OTOF: variants seen among roughly 807,000 people sequenced by gnomAD.
OTOF encodes the protein otoferlin, also known as fer-1-like family member 2.
OTOF carries 218 observed loss-of-function variants against 236.8 expected under a neutral mutation model. The observed-to-expected ratio is 0.92, with a 90% CI of 0.82 to 1.03. The LOEUF is 1.03. OTOF is among the 50% of genes least tolerant of loss of function. OTOF has a pLI of 0.00. For synonymous variants in OTOF, 1,041 were observed against 1,072.5 expected, an observed-to-expected ratio of 0.97 and a Z score of 0.57; for missense variants, 2,590 against 2,694.4, an observed-to-expected ratio of 0.96 and a Z score of 0.86.
chr2:26,551,232 C>A (rs1020875986), intron 1 of OTOF, among the ~76,000 whole-genome samples: 22 of 152,318 alleles, frequency 1.4e-4, no homozygotes, highest in African/African-American at 5.1e-4. Flanking sequence ...TCAAATGATC[C>A]CCCCCGCCTT....
At chr2:26,496,086 G>A (rs951121665) in intron 8 of OTOF, among the ~76,000 whole-genome samples, 23 of 152,118 alleles carry the variant, frequency 1.5e-4, no homozygotes, top group African/African-American at 5.1e-4. Context: ...TTTATGTGGC[G>A]TCCAGCTCTG....
At chr2:26,489,651 G>T in intron 10 of OTOF, 27 bp downstream of exon 10, 1 of 1,597,620 alleles carries the variant, frequency 6.3e-7, no homozygotes. Context: ...GAGTGGCCCT[G>T]CCGGCCAGGG....
chr2:26,464,733 G>A (rs1282710731), intron 39 of OTOF, 136 bp downstream of exon 39: 1 of 811,142 alleles, frequency 1.2e-6, no homozygotes, highest in South Asian at 2.4e-5. Context: ...GTGATGAGCA[G>A]AGGGTCACTA....
chr2:26,546,255 G>A (rs1212862687), intron 1 of OTOF, among the ~76,000 whole-genome samples: 1 of 152,174 alleles, frequency 6.6e-6, no homozygotes, highest in Non-Finnish European at 1.5e-5. Context: ...GAGGTCAGGA[G>A]TTCGAGACCA....
intron 1 of OTOF, among the ~76,000 whole-genome samples, chr2:26,540,706 T>C (rs1320970614): frequency 6.6e-6 from 1 of 151,090 alleles, no homozygotes; most frequent in Non-Finnish European, 1.5e-5. Context: ...GTGGATGCAG[T>C]CTGAAAGGGT....
intron 9 of OTOF, among the ~76,000 whole-genome samples, chr2:26,494,433 G>A (rs2148071351): frequency 6.6e-6 from 1 of 152,384 alleles, no homozygotes; most frequent in African/African-American, 2.4e-5. Flanking sequence ...GCACTGTGAG[G>A]TTGGACAAGG....
At chr2:26,549,839 C>T (rs1353466409) in intron 1 of OTOF, among the ~76,000 whole-genome samples, 1 of 152,288 alleles carries the variant, frequency 6.6e-6, no homozygotes, top group East Asian at 1.9e-4. Context: ...CAGACCCTGG[C>T]ACTGAGGCAG....
intron 1 of OTOF, among the ~76,000 whole-genome samples, chr2:26,556,229 T>A (rs907901086): frequency 1.3e-5 from 2 of 152,214 alleles, no homozygotes; most frequent in Non-Finnish European, 2.9e-5. Flanking sequence ...TACCAGTTTC[T>A]TGTTTCCCCC....
chr2:26,479,696 C>G, intron 16 of OTOF, 43 bp from the exon 17 acceptor site: 1 of 1,586,800 alleles, frequency 6.3e-7, no homozygotes, highest in Non-Finnish European at 8.6e-7. Flanking sequence ...GCATTCCCCA[C>G]CAGGCCCCTC....
At chr2:26,492,987 A>G (rs1665885138) in intron 9 of OTOF, among the ~76,000 whole-genome samples, 1 of 152,172 alleles carries the variant, frequency 6.6e-6, no homozygotes. Flanking sequence ...CCCTTAAGTT[A>G]GCAGAAGTGG....
rs200621692 is a variant in OTOF, at chr2:26,483,559, A to G, written c.1295T>C (p.Met432Thr). Reference protein sequence around the residue: ...KIYRAEGLPRMNTSLMANVKK... With the variant: ...KIYRAEGLPRTNTSLMANVKK... ...TACATTGGCCATGAGGCTTGTGTTC[A>G]TACGGGGCAGCCCCTCTGCTCGGTA... Residue 432 changes from methionine (M) to threonine (T), a missense_variant, in exon 13 of 47, where the codon ATG (methionine) becomes ACG (threonine). This residue lies in a region of OTOF where 1,379 missense variants were observed against 1,341.6 expected (regional missense o/e 1.03). Coordinates refer to ENST00000272371, the MANE Select transcript of OTOF (RefSeq NM_194248.3). The G allele has an allele frequency of 6.2e-7, 1 of 1,614,008 alleles. No individual in the cohort carries two copies. The highest frequency in any genetic ancestry group is 2.2e-5 in the East Asian group (1 of 44,890).
intron 8 of OTOF, 106 bp from the exon 9 acceptor site, chr2:26,495,179 G>A (rs1665951865): frequency 2.4e-6 from 3 of 1,229,682 alleles, no homozygotes; most frequent in Non-Finnish European, 2.3e-6. Flanking sequence ...GGAGGGCCCG[G>A]GAGCCAGCAC....
intron 13 of OTOF, among the ~76,000 whole-genome samples, chr2:26,483,053 G>A (rs1236323095): frequency 6.6e-6 from 1 of 150,896 alleles, no homozygotes; most frequent in Non-Finnish European, 1.5e-5. Context: ...ATGTGTGCAT[G>A]TGTGAGTGGG....
intron 1 of OTOF, among the ~76,000 whole-genome samples, chr2:26,551,984 T>G (rs916475384): frequency 2.6e-5 from 4 of 151,812 alleles, no homozygotes; most frequent in African/African-American, 4.8e-5. Context: ...TGAAGCAAGA[T>G]TGGCCATGAA....
At chr2:26,527,634 G>C (rs1329107898) in intron 3 of OTOF, among the ~76,000 whole-genome samples, 198 bp downstream of exon 3, 2 of 152,174 alleles carry the variant, frequency 1.3e-5, no homozygotes, top group African/African-American at 2.4e-5. Flanking sequence ...GGAGAACTGG[G>C]GGATTCTGAA....
At chr2:26,500,934 C>T (rs1666102091) in intron 8 of OTOF, among the ~76,000 whole-genome samples, 1 of 152,164 alleles carries the variant, frequency 6.6e-6, no homozygotes, top group African/African-American at 2.4e-5. Flanking sequence ...ACCGAACATC[C>T]CCAGGACAGA....
Position 26,479,366 on chromosome 2 carries a change from G to C in OTOF, c.2112C>G (p.Pro704=). Residue 704 remains proline (P), a synonymous_variant, in exon 18 of 47, where the codon CCC becomes CCG. Coordinates refer to ENST00000272371, the MANE Select transcript of OTOF (RefSeq NM_194248.3). ...AGATGCAGGGCTTTCGCTCCAGGTA[G>C]GGCAGATGGAAGTAGTTCCTGGGGT... The part of the protein sequence containing the change: ...QVTDRNYFHL[P]YLERKPCIYI... 1 of 1,612,844 alleles carries C rather than the reference G, an allele frequency of 6.2e-7. No individual in the cohort carries two copies. The highest frequency in any genetic ancestry group is 8.5e-7 in the Non-Finnish European group (1 of 1,179,952).
chr2:26,542,237 C>G (rs900684976), intron 1 of OTOF, among the ~76,000 whole-genome samples: 1 of 152,210 alleles, frequency 6.6e-6, no homozygotes, highest in Non-Finnish European at 1.5e-5. Flanking sequence ...TGAGAAAAGG[C>G]AGGTGTGCAG....
At position 26,465,800 on chromosome 2, in the gene OTOF, C is replaced by T; in HGVS notation, c.4671G>A (p.Leu1557=). 6.2e-7 allele frequency: 1 copy of T among 1,614,216 alleles called. No individual in the cohort carries two copies. The highest frequency in any genetic ancestry group is 1.1e-5 in the South Asian group (1 of 91,090). ...IEASFPMESM[L]TVAVYDWDLV... ...GGTCCCAGTCATACACAGCCACCGT[C>T]AGCATGGATTCCATGGGGAAGGAGG... The change falls in exon 38 of 47, where the codon CTG becomes CTA. Residue 1557 remains leucine (L), a synonymous_variant. Coordinates refer to ENST00000272371, the MANE Select transcript of OTOF (RefSeq NM_194248.3).
Sources: allele counts gnomAD v4.1 joint callset (sites outside exome capture counted in the v4.1 genomes callset), GRCh38; gene constraint gnomAD v4.1.1; regional missense constraint gnomAD v4.1.1; transcripts MANE v1.5; gene names NCBI Gene and HGNC (gene_info 2026-07-23, HGNC 2026-07-21).